EYS: variants seen among roughly 807,000 people sequenced by gnomAD.
EYS encodes protein eyes shut homolog.
EYS carries 250 observed loss-of-function variants against 282.1 expected under a neutral mutation model. The observed-to-expected ratio is 0.89, with a 90% CI of 0.80 to 0.98. The LOEUF (loss-of-function observed/expected upper bound fraction) is 0.98. Among genes scored for constraint, EYS ranks in the 50% least tolerant of loss-of-function variants. The pLI is 0.00. For synonymous variants in EYS, 1,355 were observed against 1,282.9 expected (o/e 1.06, Z -1.20); for missense variants, 4,016 against 3,709.0 (o/e 1.08, Z -2.15).
At chr6:63,999,332 A>G in intron 33 of EYS, 149 bp from the exon 34 acceptor site, 1 of 666,486 alleles carries the variant, frequency 1.5e-6, no homozygotes, top group South Asian at 1.6e-5. Flanking sequence ...AAGTGTGGAC[A>G]TTTTCAAGTA....
chr6:65,615,841 A>G (rs1474957020), intron 2 of EYS, among the ~76,000 whole-genome samples: 1 of 151,982 alleles, frequency 6.6e-6, no homozygotes, highest in African/African-American at 2.4e-5. Flanking sequence ...GGCTGAGGCG[A>G]GAGAATGGCG....
chr6:63,912,271 G>C (rs1026639354), intron 35 of EYS, among the ~76,000 whole-genome samples: 6 of 152,074 alleles, frequency 3.9e-5, no homozygotes. Context: ...TACCCTGATG[G>C]CTTTGTTTAG....
At chr6:64,255,199 C>G (rs1214051385) in intron 30 of EYS, among the ~76,000 whole-genome samples, 1 of 151,956 alleles carries the variant, frequency 6.6e-6, no homozygotes, top group Non-Finnish European at 1.5e-5. Context: ...CCATGAACTA[C>G]ATTATGAGTA....
At chr6:64,555,175 TAA>T (rs1392645650) in intron 26 of EYS, among the ~76,000 whole-genome samples, 1 of 151,870 alleles carries the variant, frequency 6.6e-6, no homozygotes, top group Non-Finnish European at 1.5e-5. Context: ...ATATCTAGTA[TAA>T]ACACACACCA....
intron 33 of EYS, among the ~76,000 whole-genome samples, chr6:64,053,085 A>G (rs1470809700): frequency 1.3e-5 from 2 of 152,138 alleles, no homozygotes; most frequent in Non-Finnish European, 2.9e-5. Context: ...TAAATTTATC[A>G]TACATATTTT....
rs558228429 is a variant in EYS, at chr6:64,142,530, A to G, written c.6425-60528T>C. The stretch of plus-strand genomic sequence containing the variant: ...GTCAGTGCAGAAAGGGAAAACGAGA[A>G]GTATTTAAGAATGGATTTGGCCAGG... On this transcript the variant is annotated intron_variant, in intron 31 of 42. Coordinates refer to ENST00000503581, the MANE Select transcript of EYS (RefSeq NM_001142800.2). Among the ~76,000 whole-genome samples the G allele has an allele frequency of 8.5e-5, 13 of 152,266 alleles. 1 individual carries two copies. The South Asian group carries it at 2.7e-3, about 32-fold the overall frequency.
At chr6:65,539,493 G>A (rs6923660) in intron 2 of EYS, among the ~76,000 whole-genome samples, 20,523 of 152,042 alleles carry the variant, frequency 0.13, 1,452 homozygotes, top group South Asian at 0.19. Context: ...TAAACAGAAT[G>A]ATAACACTCA....
At chr6:65,083,679 G>C (rs1774286267) in intron 12 of EYS, among the ~76,000 whole-genome samples, 1 of 151,450 alleles carries the variant, frequency 6.6e-6, no homozygotes, top group South Asian at 2.1e-4. Context: ...CTCATTTTCT[G>C]TCTGAACACT....
At position 63,883,331 on chromosome 6, in the gene EYS, G is replaced by C. The variant is rs148491613; in HGVS notation, c.7056-18973C>G. The stretch of plus-strand genomic sequence containing the variant: ...ACCACGGCTCCAACTGACTTTTAAT[G>C]TAACTATGCTGACAGTTCCCTGGGA... On this transcript the variant is annotated intron_variant, in intron 35 of 42. Coordinates refer to ENST00000503581, the MANE Select transcript of EYS (RefSeq NM_001142800.2). Among the ~76,000 whole-genome samples, 1,158 of 152,248 alleles carry C rather than the reference G, an allele frequency of 7.6e-3. 19 individuals are homozygous for C. The highest frequency in any genetic ancestry group is 0.026 in the African/African-American group (1,086 of 41,540).
At chr6:64,547,056 G>C (rs561629342) in intron 26 of EYS, among the ~76,000 whole-genome samples, 1 of 152,148 alleles carries the variant, frequency 6.6e-6, no homozygotes, top group African/African-American at 2.4e-5. Context: ...GGACGTATTC[G>C]GAATTTCTTC....
intron 30 of EYS, among the ~76,000 whole-genome samples, chr6:64,303,025 T>A (rs9444712): frequency 6.6e-6 from 1 of 151,920 alleles, no homozygotes; most frequent in South Asian, 2.1e-4. Flanking sequence ...CGCATCCCCA[T>A]GCTGAAAAAG....
chr6:64,744,349 C>A (rs954264369), intron 22 of EYS, among the ~76,000 whole-genome samples: 1 of 152,092 alleles, frequency 6.6e-6, no homozygotes, highest in Non-Finnish European at 1.5e-5. Flanking sequence ...ACAGATGCTG[C>A]TTGTTTTGTG....
chr6:65,394,826 C>T (rs1766211387), intron 7 of EYS, among the ~76,000 whole-genome samples: 1 of 152,004 alleles, frequency 6.6e-6, no homozygotes, highest in Admixed American at 6.6e-5. Context: ...TTCTTTCTCC[C>T]TCTTCTCTCA....
At chr6:63,890,638 A>T (rs910392624) in intron 35 of EYS, among the ~76,000 whole-genome samples, 1 of 152,230 alleles carries the variant, frequency 6.6e-6, no homozygotes, top group African/African-American at 2.4e-5. Context: ...CCACAGGAGA[A>T]AGCAGGAAGG....
chr6:64,434,952 CATG>C (rs1174371745), intron 28 of EYS, among the ~76,000 whole-genome samples: 1 of 151,974 alleles, frequency 6.6e-6, no homozygotes, highest in East Asian at 1.9e-4. Context: ...CTATGTCCTT[CATG>C]ATTTGATTCT....
intron 36 of EYS, among the ~76,000 whole-genome samples, chr6:63,854,571 G>A (rs1581897670): frequency 6.6e-6 from 1 of 152,120 alleles, no homozygotes; most frequent in South Asian, 2.1e-4. Flanking sequence ...GTATACCTAT[G>A]TAACAAACCT....
At chr6:64,890,106 C>T (rs1017108061) in intron 18 of EYS, among the ~76,000 whole-genome samples, 2 of 150,556 alleles carry the variant, frequency 1.3e-5, no homozygotes, top group African/African-American at 5.0e-5. Context: ...AAAATAGACC[C>T]CAGTCTCCCA....
chr6:64,630,253 G>C (rs372304902), intron 22 of EYS, among the ~76,000 whole-genome samples: 2 of 151,952 alleles, frequency 1.3e-5, no homozygotes, highest in African/African-American at 2.4e-5. Context: ...ACACCACCAC[G>C]CCCAGCTATT....
At chr6:65,144,611 TCTTA>T (rs1408476183) in intron 12 of EYS, among the ~76,000 whole-genome samples, 3 of 152,122 alleles carry the variant, frequency 2.0e-5, no homozygotes, top group Non-Finnish European at 4.4e-5. Context: ...TACAAAAAAC[TCTTA>T]CTTTTTTCTC....
Sources: gnomAD v4.1 joint callset for allele counts (sites outside exome capture counted in the v4.1 genomes callset) on GRCh38, gnomAD v4.1.1 for gene constraint, MANE v1.5 for transcripts, NCBI Gene and HGNC (gene_info 2026-07-23, HGNC 2026-07-21) for gene names.